Variants in AHCYL2 observed in about 807,000 individuals in gnomAD.
AHCYL2 encodes S-adenosylhomocysteine hydrolase-like protein 2.
In AHCYL2, 28 loss-of-function variants were observed where a neutral mutation model predicts 81.4. The observed-to-expected ratio is 0.34, with a 90% confidence interval of 0.25 to 0.47. The LOEUF is 0.47. Ranked by LOEUF, AHCYL2 falls within the 20% of genes least tolerant of loss-of-function variation. The pLI, the probability that AHCYL2 is intolerant of heterozygous loss-of-function variation, is 1.00. For synonymous variants in AHCYL2, 272 were observed against 290.2 expected (o/e 0.94, Z 0.64); for missense variants, 551 against 785.1 (o/e 0.70, Z 3.56).
intron 1 of AHCYL2, among the ~76,000 whole-genome samples, chr7:129,233,956 A>G (rs1034900931): frequency 3.3e-5 from 5 of 151,652 alleles, no homozygotes; most frequent in East Asian, 3.9e-4. Flanking sequence ...GTCAAGACCA[A>G]TCCCTTCACA....
intron 1 of AHCYL2, among the ~76,000 whole-genome samples, chr7:129,280,249 A>G (rs1796385292): frequency 7.6e-6 from 1 of 132,352 alleles, no homozygotes; most frequent in South Asian, 2.3e-4. Context: ...GGCTCACTGC[A>G]ACCTCTGCCT....
At chr7:129,346,831 C>T (rs1044661389) in intron 1 of AHCYL2, among the ~76,000 whole-genome samples, 1 of 152,146 alleles carries the variant, frequency 6.6e-6, no homozygotes, top group African/African-American at 2.4e-5. Context: ...AACCTGCTCA[C>T]AGGTGTTTAT....
chr7:129,282,886 G>A (rs1313298706), intron 1 of AHCYL2, among the ~76,000 whole-genome samples: 2 of 152,082 alleles, frequency 1.3e-5, no homozygotes, highest in Non-Finnish European at 2.9e-5. Flanking sequence ...TATTTGTTAG[G>A]TGGGGCCAGA....
chr7:129,379,684 C>T lies in AHCYL2; in HGVS notation c.410C>T (p.Thr137Ile). 1 of 1,614,108 alleles carries T rather than the reference C, an allele frequency of 6.2e-7. No individual in the cohort carries two copies. Among genetic ancestry groups the T allele is most frequent in the Non-Finnish European group, 8.5e-7 (1 of 1,180,012 alleles). Residue 137 changes from threonine (T) to isoleucine (I), a missense_variant, in exon 2 of 17, where the codon ACC (threonine) becomes ATC (isoleucine). Coordinates refer to ENST00000325006, the MANE Select transcript of AHCYL2 (RefSeq NM_015328.4). Reference protein sequence around the residue: ...DQKQEFNKRPTKIGRRSLSRS... With the variant: ...DQKQEFNKRPIKIGRRSLSRS... ...AAGCAAGAATTCAACAAACGTCCCA[C>T]CAAAATTGGACGTCGCTCTTTGTCT...
intron 1 of AHCYL2, among the ~76,000 whole-genome samples, chr7:129,268,450 T>A (rs1436101053): frequency 6.6e-6 from 1 of 152,076 alleles, no homozygotes; most frequent in African/African-American, 2.4e-5. Flanking sequence ...CGGATTCAAG[T>A]GATTCTCCTG....
At chr7:129,260,856 T>G (rs1416692390) in intron 1 of AHCYL2, among the ~76,000 whole-genome samples, 2 of 152,200 alleles carry the variant, frequency 1.3e-5, no homozygotes, top group African/African-American at 4.8e-5. Flanking sequence ...TGGCACGATC[T>G]CTGCTCACTG....
intron 1 of AHCYL2, among the ~76,000 whole-genome samples, chr7:129,227,606 C>T (rs1794273287): frequency 1.4e-5 from 1 of 72,054 alleles, no homozygotes; most frequent in Non-Finnish European, 2.8e-5. Flanking sequence ...GAGACCTTGT[C>T]TCAAAAAAAA....
chr7:129,269,986 G>A (rs1795951834), intron 1 of AHCYL2, among the ~76,000 whole-genome samples: 1 of 152,102 alleles, frequency 6.6e-6, no homozygotes, highest in African/African-American at 2.4e-5. Context: ...TCTAGCTAAA[G>A]TGTTTATACT....
chr7:129,424,661 CTTTTAGCTAT>C, intron 13 of AHCYL2: 2 of 594,244 alleles, frequency 3.4e-6, no homozygotes, highest in South Asian at 4.1e-5. Context: ...TTCCAGAAAT[CTTTTAGCTAT>C]TAGTTTCATC....
At chr7:129,371,289 T>TA (rs1432070492) in intron 1 of AHCYL2, among the ~76,000 whole-genome samples, 12 of 152,196 alleles carry the variant, frequency 7.9e-5, no homozygotes, top group Admixed American at 6.5e-4. Flanking sequence ...GCAGAGAAGG[T>TA]ATATTACAAC....
intron 1 of AHCYL2, among the ~76,000 whole-genome samples, chr7:129,250,914 T>C (rs1308620375): frequency 6.6e-6 from 1 of 152,228 alleles, no homozygotes; most frequent in Non-Finnish European, 1.5e-5. Context: ...AAATTTGCAG[T>C]TCATGGTCTG....
chr7:129,421,095 T>C (rs1395357185), intron 12 of AHCYL2, among the ~76,000 whole-genome samples: 1 of 151,846 alleles, frequency 6.6e-6, no homozygotes, highest in African/African-American at 2.4e-5. Context: ...TACTAAAAAA[T>C]ATAAAAATTA....
At chr7:129,409,606 A>G (rs937649942) in intron 11 of AHCYL2, 60 bp downstream of exon 11, 6 of 1,390,296 alleles carry the variant, frequency 4.3e-6, no homozygotes, top group South Asian at 1.2e-5. Context: ...GAGCAGGTGC[A>G]AGATGATTGG....
intron 1 of AHCYL2, among the ~76,000 whole-genome samples, chr7:129,343,287 A>G (rs953941265): frequency 6.6e-6 from 1 of 152,040 alleles, no homozygotes; most frequent in African/African-American, 2.4e-5. Context: ...GGGCACTAGG[A>G]TATTGTTTGT....
intron 1 of AHCYL2, among the ~76,000 whole-genome samples, chr7:129,339,663 C>G (rs1280297736): frequency 1.3e-5 from 2 of 151,518 alleles, no homozygotes; most frequent in Non-Finnish European, 2.9e-5. Flanking sequence ...TCTCTGGTAG[C>G]TAGGATTACA....
At chr7:129,407,167 T>C (rs1418274135) in intron 10 of AHCYL2, among the ~76,000 whole-genome samples, 2 of 151,986 alleles carry the variant, frequency 1.3e-5, no homozygotes, top group Admixed American at 6.6e-5. Context: ...CTTGGCAACA[T>C]AGGGAGACCC....
intron 1 of AHCYL2, among the ~76,000 whole-genome samples, chr7:129,251,977 G>A (rs1795263979): frequency 2.0e-5 from 3 of 152,094 alleles, no homozygotes; most frequent in Admixed American, 2.0e-4. Context: ...TTCTGTTGAT[G>A]TGCTTTTTGT....
chr7:129,334,340 A>G (rs577209610), intron 1 of AHCYL2, among the ~76,000 whole-genome samples: 19 of 152,158 alleles, frequency 1.2e-4, no homozygotes, highest in African/African-American at 4.1e-4. Flanking sequence ...GCTGCCGTCT[A>G]TGTATTTGGT....
chr7:129,242,205 A>G (rs963380112), intron 1 of AHCYL2, among the ~76,000 whole-genome samples: 1 of 152,144 alleles, frequency 6.6e-6, no homozygotes, highest in Admixed American at 6.6e-5. Flanking sequence ...AATATACTAC[A>G]GTTTACACAT....
Sources: allele counts gnomAD v4.1 joint callset (sites outside exome capture counted in the v4.1 genomes callset), GRCh38; gene constraint gnomAD v4.1.1; transcripts MANE v1.5; gene names NCBI Gene and HGNC (gene_info 2026-07-23, HGNC 2026-07-21).